CNTNAP2: variants seen among roughly 807,000 people sequenced by gnomAD.
CNTNAP2 encodes contactin associated protein 2.
A neutral mutation model predicts 155.2 loss-of-function variants in CNTNAP2; 98 were observed. The ratio of observed to expected loss-of-function variants is 0.63; its 90% CI spans 0.54 to 0.75. The LOEUF is 0.75. Among genes scored for constraint, CNTNAP2 ranks in the 30% least tolerant of loss-of-function variants. The pLI, the probability that CNTNAP2 is intolerant of heterozygous loss-of-function variation, is 0.00. For missense variants in CNTNAP2, 1,727 were observed against 1,688.1 expected (o/e 1.02, Z -0.40); for synonymous variants, 651 against 631.2 (o/e 1.03, Z -0.47).
At chr7:148,177,894 T>TG (rs1491537838) in intron 18 of CNTNAP2, among the ~76,000 whole-genome samples, 1 of 73,256 alleles carries the variant, frequency 1.4e-5, no homozygotes, top group Non-Finnish European at 2.6e-5. Context: ...GAACAGACAC[T>TG]GTTTTTTTTT....
At chr7:146,582,552 A>G (rs1459894575) in intron 1 of CNTNAP2, among the ~76,000 whole-genome samples, 4 of 152,166 alleles carry the variant, frequency 2.6e-5, no homozygotes, top group Non-Finnish European at 5.9e-5. Flanking sequence ...TTTGAAAGTC[A>G]CAAGGTCAGA....
At chr7:147,670,400 C>T (rs1210521504) in intron 13 of CNTNAP2, among the ~76,000 whole-genome samples, 1 of 152,162 alleles carries the variant, frequency 6.6e-6, no homozygotes, top group Admixed American at 6.5e-5. Context: ...ACCCCACCCT[C>T]AAGCCTGGGA....
intron 9 of CNTNAP2, among the ~76,000 whole-genome samples, chr7:147,339,733 G>C (rs757246375): frequency 1.3e-5 from 2 of 151,882 alleles, no homozygotes; most frequent in South Asian, 4.2e-4. Context: ...TCATTTAATG[G>C]GCTTATTTCC....
chr7:146,930,283 G>T (rs1021008973), intron 3 of CNTNAP2, among the ~76,000 whole-genome samples: 74 of 152,044 alleles, frequency 4.9e-4, no homozygotes, highest in South Asian at 8.3e-4. Context: ...GGGCCAATAT[G>T]CAACATTCAT....
chr7:147,300,098 G>A (rs767083414), intron 8 of CNTNAP2, 43 bp from the exon 9 acceptor site: 2 of 1,600,062 alleles, frequency 1.2e-6, no homozygotes, highest in East Asian at 4.5e-5. Context: ...TGTTCAGCTG[G>A]GTAATTTTAA....
At chr7:146,376,082 T>C (rs1386831172) in intron 1 of CNTNAP2, among the ~76,000 whole-genome samples, 1 of 152,156 alleles carries the variant, frequency 6.6e-6, no homozygotes, top group East Asian at 1.9e-4. Context: ...CCCAGTAAGA[T>C]AGGGTTCCCA....
intron 1 of CNTNAP2, among the ~76,000 whole-genome samples, chr7:146,434,875 A>T (rs1034279073): frequency 6.6e-5 from 10 of 152,210 alleles, no homozygotes; most frequent in African/African-American, 2.4e-4. Context: ...GGATTTATTG[A>T]ATCCCCTATG....
intron 8 of CNTNAP2, among the ~76,000 whole-genome samples, chr7:147,270,640 T>C (rs1438494941): frequency 6.6e-6 from 1 of 152,186 alleles, no homozygotes; most frequent in Non-Finnish European, 1.5e-5. Context: ...GGCATCTGCA[T>C]TTTAGACAAA....
intron 10 of CNTNAP2, among the ~76,000 whole-genome samples, chr7:147,445,592 T>C (rs1797720675): frequency 6.6e-6 from 1 of 152,204 alleles, no homozygotes; most frequent in African/African-American, 2.4e-5. Context: ...ACTTAACAAA[T>C]GTTAGTTGTC....
intron 23 of CNTNAP2, among the ~76,000 whole-genome samples, chr7:148,411,512 C>A (rs546095818): frequency 1.3e-5 from 2 of 152,180 alleles, no homozygotes; most frequent in South Asian, 4.2e-4. Flanking sequence ...GTGATCCACT[C>A]GCCTCAGCCT....
intron 12 of CNTNAP2, among the ~76,000 whole-genome samples, chr7:147,633,462 C>T (rs1795123745): frequency 6.6e-6 from 1 of 152,114 alleles, no homozygotes; most frequent in Admixed American, 6.6e-5. Flanking sequence ...TGGGTTAATG[C>T]TGGAATAAGC....
chr7:148,317,932 C>T (rs979339605), intron 21 of CNTNAP2, among the ~76,000 whole-genome samples: 2 of 152,086 alleles, frequency 1.3e-5, no homozygotes, highest in Admixed American at 6.6e-5. Context: ...CCGCCTAACT[C>T]GGCCTCCCAA....
At chr7:146,191,310 T>C (rs1233390744) in intron 1 of CNTNAP2, among the ~76,000 whole-genome samples, 1 of 152,052 alleles carries the variant, frequency 6.6e-6, no homozygotes, top group Non-Finnish European at 1.5e-5. Context: ...TAGTGATTTT[T>C]AAAGGGGAGG....
At chr7:148,315,469 A>C (rs1330302217) in intron 21 of CNTNAP2, among the ~76,000 whole-genome samples, 4 of 152,176 alleles carry the variant, frequency 2.6e-5, no homozygotes, top group African/African-American at 4.8e-5. Flanking sequence ...GAATTTCACA[A>C]GATAATGTCA....
chr7:147,082,346 T>C (rs1285761779), intron 4 of CNTNAP2, among the ~76,000 whole-genome samples: 2 of 152,208 alleles, frequency 1.3e-5, no homozygotes, highest in African/African-American at 4.8e-5. Context: ...TTCACTTTTT[T>C]GTTTATAAGG....
chr7:147,612,953 C>T (rs1343240196), intron 12 of CNTNAP2, among the ~76,000 whole-genome samples: 1 of 152,038 alleles, frequency 6.6e-6, no homozygotes, highest in Non-Finnish European at 1.5e-5. Flanking sequence ...GTCGGCTGGC[C>T]TTTTATGTTG....
At chr7:148,343,751 A>C (rs370624995) in intron 21 of CNTNAP2, among the ~76,000 whole-genome samples, 41 of 152,360 alleles carry the variant, frequency 2.7e-4, no homozygotes, top group African/African-American at 9.6e-4. Context: ...AAAATTCTGG[A>C]CTAGATTACT....
chr7:147,470,065 T>A (rs2373138), intron 10 of CNTNAP2, among the ~76,000 whole-genome samples: 1 of 151,956 alleles, frequency 6.6e-6, no homozygotes, highest in African/African-American at 2.4e-5. Context: ...GTGGAGTGCA[T>A]GTAATTTAGG....
intron 1 of CNTNAP2, among the ~76,000 whole-genome samples, chr7:146,451,969 C>T (rs1417868641): frequency 6.6e-6 from 1 of 150,860 alleles, no homozygotes; most frequent in Non-Finnish European, 1.5e-5. Flanking sequence ...AGTGCAGTGG[C>T]GCGATCTCGA....
Sources: allele counts gnomAD v4.1 joint callset (sites outside exome capture counted in the v4.1 genomes callset), GRCh38; gene constraint gnomAD v4.1.1; transcripts MANE v1.5; gene names NCBI Gene and HGNC (gene_info 2026-07-23, HGNC 2026-07-21).